THUMPD3: variants seen among roughly 807,000 people sequenced by gnomAD.
THUMPD3 encodes the protein tRNA (guanine(6)-N(2))-methyltransferase THUMP3.
Under a neutral mutation model 54.5 loss-of-function variants are expected in THUMPD3, and 44 were observed. The observed-to-expected ratio is 0.81, with a 90% CI of 0.63 to 1.04. The LOEUF is 1.04. Ranked by LOEUF, THUMPD3 falls within the 50% of genes least tolerant of loss-of-function variation. The pLI, the probability that THUMPD3 is intolerant of heterozygous loss-of-function variation, is 0.00. For missense variants in THUMPD3, 604 were observed against 601.3 expected, an observed-to-expected ratio of 1.00 and a Z score of -0.05; for synonymous variants, 196 against 201.4, an observed-to-expected ratio of 0.97 and a Z score of 0.23.
chr3:9,376,822 T>A (rs1468005016), intron 5 of THUMPD3, among the ~76,000 whole-genome samples: 2 of 152,200 alleles, frequency 1.3e-5, no homozygotes, highest in Non-Finnish European at 2.9e-5. Context: ...ATCTGTTACC[T>A]ACTAGTTTTG....
chr3:9,378,324 T>C (rs959934442), intron 6 of THUMPD3, among the ~76,000 whole-genome samples: 4 of 152,260 alleles, frequency 2.6e-5, no homozygotes, highest in Admixed American at 2.6e-4. Flanking sequence ...TTGGATTTTT[T>C]AGGAAGTCTA....
At position 9,384,208 on chromosome 3, in the gene THUMPD3, A is replaced by T. The variant is rs376447284; in HGVS notation, c.1236-4A>T. 1 of 1,613,662 alleles carries T rather than the reference A, an allele frequency of 6.2e-7. No individual in the cohort carries two copies. On this transcript the variant is annotated splice_polypyrimidine_tract_variant and splice_region_variant and intron_variant, in intron 8 of 9. Coordinates refer to ENST00000452837, the MANE Select transcript of THUMPD3 (RefSeq NM_001114092.2). Reference sequence around the variant, plus strand: ...TGTTTGACTCATGAGACCTTCTATTATAGGATGGGATCCAAGAAGAGAAAC... The same window carrying T: ...TGTTTGACTCATGAGACCTTCTATTTTAGGATGGGATCCAAGAAGAGAAAC...
intron 2 of THUMPD3, 89 bp from the exon 3 acceptor site, chr3:9,366,819 T>C: frequency 9.6e-7 from 1 of 1,043,164 alleles, no homozygotes; most frequent in Non-Finnish European, 1.4e-6. Context: ...TTTAAAACTA[T>C]CATTCCTAAT....
chr3:9,377,930 C>A, intron 6 of THUMPD3, 42 bp downstream of exon 6: 1 of 1,516,978 alleles, frequency 6.6e-7, no homozygotes, highest in Non-Finnish European at 9.1e-7. Flanking sequence ...GTGATACATC[C>A]AGAATATTCT....
rs763547543 is a variant in THUMPD3, at chr3:9,383,351, T to C, written c.1235+42T>C. On this transcript the variant is annotated intron_variant, in intron 8 of 9. Transcript: ENST00000452837. ...CCTGCTTGTCTTCTAAATATGTCAT[T>C]ATTTTCCTTGCGTTTATTCTAAGTC... 3.0e-5 allele frequency: 44 copies of C among 1,449,144 alleles called. No homozygotes were observed. The Admixed American group carries it at 7.2e-4, about 24-fold the overall frequency. The allele number at this position is 1,449,144 out of a possible 1,614,324, so 89.8% of individuals were successfully genotyped here. A position where few individuals can be genotyped will look rare whatever the true frequency, so the allele number is the denominator to read the frequency against.
At chr3:9,369,148 A>G (rs538086159) in intron 3 of THUMPD3, among the ~76,000 whole-genome samples, 26 of 151,986 alleles carry the variant, frequency 1.7e-4, no homozygotes, top group Admixed American at 1.4e-3. Flanking sequence ...CATCTCTACT[A>G]AAAATACAAA....
chr3:9,384,469 G>A (rs1310914165), intron 9 of THUMPD3, 55 bp from the exon 10 acceptor site: 4 of 1,610,162 alleles, frequency 2.5e-6, no homozygotes, highest in Non-Finnish European at 3.4e-6. Context: ...AAGAATCCTA[G>A]TTGATGTAAA....
At chr3:9,377,514 C>T (rs748247116) in intron 5 of THUMPD3, among the ~76,000 whole-genome samples, 1 of 152,124 alleles carries the variant, frequency 6.6e-6, no homozygotes, top group Non-Finnish European at 1.5e-5. Context: ...GCTGGGATTA[C>T]AGGCACCCAC....
At chr3:9,377,370 TTTTA>T (rs759239291) in intron 5 of THUMPD3, among the ~76,000 whole-genome samples, 89 of 152,216 alleles carry the variant, frequency 5.8e-4, no homozygotes, top group Non-Finnish European at 9.0e-4. Context: ...TATAAATTGA[TTTTA>T]TTTATTTATT....
rs1575093748 is a variant in THUMPD3 at position 9,386,395 on chromosome 3, A to G, written c.*1707A>G. 2.2e-5 allele frequency: 1 copy of G among 44,858 alleles called. No individual in the cohort carries two copies. Among genetic ancestry groups the G allele is most frequent in the Non-Finnish European group, 4.8e-5 (1 of 21,004 alleles). The allele number at this position is 44,858 out of a possible 1,614,324, so 2.8% of individuals were successfully genotyped here. A position where few individuals can be genotyped will look rare whatever the true frequency, so the allele number is the denominator to read the frequency against. On this transcript the variant is annotated 3_prime_UTR_variant, in exon 10 of 10. Coordinates refer to ENST00000452837, the MANE Select transcript of THUMPD3 (RefSeq NM_001114092.2). ...TCCCCACCCCCCCACCCCCCACTCC[A>G]CCCCCCACTAAGGGCAGGGTATTGT...
chr3:9,384,595 TGCA>T lies in THUMPD3; in HGVS notation c.1433_1435del (p.Ala478del), dbSNP rs2033199984. On this transcript the variant is annotated inframe_deletion, in exon 10 of 10. Transcript: ENST00000452837. ...GGGTGAACGTTGGTGGTCTTCGTGC[TGCA>T]GTTTACGTTCTGATACGTACACCTC... The T allele has an allele frequency of 6.2e-7, 1 of 1,614,138 alleles. No individual in the cohort carries two copies. Among genetic ancestry groups the T allele is most frequent in the Admixed American group, 1.7e-5 (1 of 60,012 alleles).
Position 9,384,765 on chromosome 3 carries a change from AC to A in THUMPD3, c.*78del. The A allele has an allele frequency of 2.6e-6, 4 of 1,540,194 alleles. No homozygotes were observed. Among genetic ancestry groups the A allele is most frequent in the Non-Finnish European group, 2.7e-6 (3 of 1,124,116 alleles). On this transcript the variant is annotated 3_prime_UTR_variant, in exon 10 of 10. Coordinates refer to ENST00000452837, the MANE Select transcript of THUMPD3 (RefSeq NM_001114092.2). Reference sequence around the variant, plus strand: ...GAACTTGGAGAGGAAAAAAGTATTAACAAAACTGCAGTCTGCACTCTTTAAA... The same window carrying A: ...GAACTTGGAGAGGAAAAAAGTATTAAAAAACTGCAGTCTGCACTCTTTAAA...
At chr3:9,383,334 T>A (rs765641053) in intron 8 of THUMPD3, 25 bp downstream of exon 8, 47 of 1,497,544 alleles carry the variant, frequency 3.1e-5, no homozygotes, top group Non-Finnish European at 4.3e-5. Flanking sequence ...TACCTGCTTG[T>A]CTTCTAAATA....
In THUMPD3 at chr3:9,378,752, C is replaced by T. The variant is rs144324243; in HGVS notation, c.1008+864C>T. 1.4e-3 allele frequency among the ~76,000 whole-genome samples: 218 copies of T among 152,260 alleles called. 6 individuals are homozygous for T. The East Asian group carries it at 0.026, about 18-fold the overall frequency. ...CCAAGACTGAAATCATAGAAGTCTACATGTGACTGTGTTCCGTGAAAGCTA... is the reference window on the plus strand; with the variant it reads ...CCAAGACTGAAATCATAGAAGTCTATATGTGACTGTGTTCCGTGAAAGCTA... On this transcript the variant is annotated intron_variant, in intron 6 of 9. Coordinates refer to ENST00000452837, the MANE Select transcript of THUMPD3 (RefSeq NM_001114092.2).
chr3:9,383,010 A>C, intron 7 of THUMPD3, 189 bp from the exon 8 acceptor site: 1 of 471,690 alleles, frequency 2.1e-6, no homozygotes, highest in Non-Finnish European at 3.9e-6. Context: ...TATAGGCACA[A>C]GCTACCATGC....
At chr3:9,373,564 C>A (rs1222735950) in intron 4 of THUMPD3, among the ~76,000 whole-genome samples, 1 of 152,058 alleles carries the variant, frequency 6.6e-6, no homozygotes, top group African/African-American at 2.4e-5. Context: ...TAATACCTAG[C>A]TTAGGGGATG....
Position 9,371,461 on chromosome 3 carries a change from G to A in THUMPD3, c.732G>A (p.Glu244=). The change falls in exon 4 of 10, where the codon GAG becomes GAA. Residue 244 remains glutamate (E), a synonymous_variant. Coordinates refer to ENST00000452837, the MANE Select transcript of THUMPD3 (RefSeq NM_001114092.2). ...AGAAACATTGCTTTACCTCAAATGA[G>A]GCTGCAAGAGATTTTGGGGGTGCTG... ...AGEKHCFTSN[E]AARDFGGAVQ... The A allele has an allele frequency of 6.2e-7, 1 of 1,614,160 alleles. No individual in the cohort carries two copies. Among genetic ancestry groups the A allele is most frequent in the Non-Finnish European group, 8.5e-7 (1 of 1,180,028 alleles).
chr3:9,381,252 C>T (rs1273938685), intron 7 of THUMPD3, among the ~76,000 whole-genome samples: 4 of 152,190 alleles, frequency 2.6e-5, no homozygotes, highest in Non-Finnish European at 4.4e-5. Context: ...AAAGTCACTA[C>T]ATAAATTCCA....
At chr3:9,375,850 G>A (rs1454927570) in intron 5 of THUMPD3, among the ~76,000 whole-genome samples, 1 of 152,138 alleles carries the variant, frequency 6.6e-6, no homozygotes, top group East Asian at 1.9e-4. Context: ...AGTGGTATTT[G>A]TGTATCTAAA....
Sources: allele counts gnomAD v4.1 joint callset (sites outside exome capture counted in the v4.1 genomes callset), GRCh38; gene constraint gnomAD v4.1.1; transcripts MANE v1.5; gene names NCBI Gene and HGNC (gene_info 2026-07-23, HGNC 2026-07-21).